TRIO: variants seen among roughly 807,000 people sequenced by gnomAD.
TRIO encodes the protein trio Rho guanine nucleotide exchange factor.
TRIO carries 58 observed loss-of-function variants against 351.9 expected under a neutral mutation model. The ratio of observed to expected loss-of-function variants is 0.16; its 90% CI spans 0.13 to 0.21. The LOEUF is 0.21. Ranked by LOEUF, TRIO falls within the 10% of genes least tolerant of loss-of-function variation. The pLI is 1.00. For missense variants in TRIO, 3,201 were observed against 4,027.8 expected (o/e 0.79, Z 5.56); for synonymous variants, 1,758 against 1,595.7 (o/e 1.10, Z -2.42).
intron 39 of TRIO, 62 bp from the exon 40 acceptor site, chr5:14,473,932 A>G: frequency 1.3e-6 from 2 of 1,500,950 alleles, no homozygotes; most frequent in Non-Finnish European, 9.2e-7. Flanking sequence ...ATTAATCAAT[A>G]AGCCACTAGT....
chr5:14,233,865 A>G (rs1793619573), intron 1 of TRIO, among the ~76,000 whole-genome samples: 1 of 152,134 alleles, frequency 6.6e-6, no homozygotes, highest in South Asian at 2.1e-4. Context: ...ATTAGAGCTC[A>G]CTGCAGACTT....
chr5:14,413,641 A>G (rs1420506878), intron 33 of TRIO, among the ~76,000 whole-genome samples: 2 of 152,212 alleles, frequency 1.3e-5, no homozygotes, highest in African/African-American at 4.8e-5. Context: ...CACAAACTGA[A>G]TGTCATCTTT....
intron 10 of TRIO, among the ~76,000 whole-genome samples, chr5:14,334,016 G>A (rs1459044583): frequency 1.3e-5 from 2 of 152,190 alleles, no homozygotes; most frequent in African/African-American, 4.8e-5. Context: ...GTTTCCCCTC[G>A]TGTGAGGAAC....
Position 14,496,951 on chromosome 5 carries a change from G to A in TRIO, c.7953G>A (p.Arg2651=), listed in dbSNP as rs534719045. Residue 2651 remains arginine, a synonymous_variant, in exon 50 of 57, where the codon AGG becomes AGA. Transcript: ENST00000344204. ...KSEKKDKDGK[R]EGKLENGYRK... is the part of the protein sequence containing the mutation. Reference sequence around the variant, plus strand: ...AGAAAAAAGATAAAGACGGCAAAAGGGAAGGCAAGTTAGAGAACGGTTATC... The same window carrying A: ...AGAAAAAAGATAAAGACGGCAAAAGAGAAGGCAAGTTAGAGAACGGTTATC... 561 of 1,614,200 alleles carry A rather than the reference G, an allele frequency of 3.5e-4. 7 individuals are homozygous for A. In the South Asian group the frequency reaches 5.8e-3, roughly 17 times the overall value.
At chr5:14,308,255 A>G (rs1406771539) in intron 8 of TRIO, among the ~76,000 whole-genome samples, 1 of 151,892 alleles carries the variant, frequency 6.6e-6, no homozygotes, top group Non-Finnish European at 1.5e-5. Flanking sequence ...CTCTGCATCC[A>G]TCTGTCCACC....
rs763490348 is a variant in TRIO, at chr5:14,387,540, G to A, written c.3673G>A (p.Asp1225Asn). ...AEIKKCVTAVDKRYRDFSLRM... is the reference protein window; with the variant it reads ...AEIKKCVTAVNKRYRDFSLRM... ...GATAAAAAAATGTGTTACTGCTGTG[G>A]ATAAGAGGTACAGAGATTTCTCTCT... Residue 1225 changes from aspartate (D) to asparagine (N), a missense_variant, in exon 22 of 57, where the codon GAT becomes AAT. This residue lies in a region of TRIO where 201 missense variants were observed against 266.5 expected (regional missense o/e 0.75). Transcript: ENST00000344204. The A allele has an allele frequency of 3.1e-6, 5 of 1,614,134 alleles. No individual in the cohort carries two copies. The highest frequency in any genetic ancestry group is 2.7e-5 in the African/African-American group (2 of 74,948).
intron 8 of TRIO, 81 bp from the exon 9 acceptor site, chr5:14,316,432 A>G: frequency 7.0e-7 from 1 of 1,422,114 alleles, no homozygotes; most frequent in South Asian, 1.3e-5. Context: ...GTGCACACAC[A>G]TGTATCCAAG....
At chr5:14,371,100 G>A (rs1745065675) in intron 18 of TRIO, among the ~76,000 whole-genome samples, 1 of 152,168 alleles carries the variant, frequency 6.6e-6, no homozygotes, top group South Asian at 2.1e-4. Context: ...AATAGGTTTT[G>A]TTTTAGATGA....
chr5:14,228,907 T>A (rs1456140456), intron 1 of TRIO, among the ~76,000 whole-genome samples: 1 of 152,088 alleles, frequency 6.6e-6, no homozygotes, highest in Non-Finnish European at 1.5e-5. Context: ...TACCAAATTA[T>A]AATTCATAGA....
At chr5:14,256,781 TAC>T in intron 1 of TRIO, among the ~76,000 whole-genome samples, 1 of 152,364 alleles carries the variant, frequency 6.6e-6, no homozygotes, top group African/African-American at 2.4e-5. Context: ...TTGAAGGTGT[TAC>T]AGTGTTTTGG....
In TRIO at chr5:14,488,278, C is replaced by T. The variant is rs1420162930; in HGVS notation, c.7632+18C>T. 2 of 1,531,760 alleles carry T rather than the reference C, an allele frequency of 1.3e-6. No homozygotes were observed. Among genetic ancestry groups the T allele is most frequent in the Non-Finnish European group, 8.8e-7 (1 of 1,142,572 alleles). 94.9% of individuals were successfully genotyped at this position (1,531,760 alleles called of 1,614,324 possible). On this transcript the variant is annotated intron_variant, in intron 48 of 56. Transcript: ENST00000344204. ...GCAACGGGGTAAGCGCGTCGGGGGGCCCGCGCCCTCCCGCCCCCCTGCCTC... is the reference window on the plus strand; with the variant it reads ...GCAACGGGGTAAGCGCGTCGGGGGGTCCGCGCCCTCCCGCCCCCCTGCCTC...
At chr5:14,394,679 C>A (rs113352223) in intron 28 of TRIO, among the ~76,000 whole-genome samples, 1,975 of 152,256 alleles carry the variant, frequency 0.013, 35 homozygotes, top group African/African-American at 0.045. Context: ...CGCGGCACAC[C>A]TTGTCCATAC....
chr5:14,214,746 G>C lies in TRIO; in HGVS notation c.158-56079G>C, dbSNP rs72744205. Among the ~76,000 whole-genome samples, 254 of 152,238 alleles carry C rather than the reference G, an allele frequency of 1.7e-3. 1 individual carries two copies. The highest frequency in any genetic ancestry group is 2.8e-3 in the Non-Finnish European group (192 of 68,006). On this transcript the variant is annotated intron_variant, in intron 1 of 56. Coordinates refer to ENST00000344204, the MANE Select transcript of TRIO (RefSeq NM_007118.4). ...GTTATATTTCACTTTGATGATACAG[G>C]ACCTCATTGATTTGTCTGTGACATC...
At position 14,471,452 on chromosome 5, in the gene TRIO, T is replaced by C; in HGVS notation, c.5898T>C (p.Ser1966=). 6.2e-7 allele frequency: 1 copy of C among 1,614,184 alleles called. No homozygotes were observed. The highest frequency in any genetic ancestry group is 8.5e-7 in the Non-Finnish European group (1 of 1,180,004). Residue 1966 remains serine (S), a synonymous_variant, in exon 38 of 57, where the codon TCT becomes TCC. Transcript: ENST00000344204. ...IDEMEERKSS[S]LKRRHYVLQE... ...AGATGGAAGAAAGGAAATCCAGCTC[T>C]TTAAAGAGAAGACAGTAAGACAGAA...
chr5:14,278,818 C>G (rs1201886603), intron 2 of TRIO, among the ~76,000 whole-genome samples: 1 of 152,130 alleles, frequency 6.6e-6, no homozygotes. Context: ...TAAATGTTAG[C>G]CCCCTCTAAG....
At position 14,366,812 on chromosome 5, in the gene TRIO, A is replaced by G. The variant is rs761623347; in HGVS notation, c.2755-48A>G. Reference sequence around the variant, plus strand: ...TATCTCACCCCTGGTGGTCCACAGGATTCTCTGGGAAGTCCACTGCTTGGA... The same window carrying G: ...TATCTCACCCCTGGTGGTCCACAGGGTTCTCTGGGAAGTCCACTGCTTGGA... On this transcript the variant is annotated intron_variant, in intron 15 of 56. Coordinates refer to ENST00000344204, the MANE Select transcript of TRIO (RefSeq NM_007118.4). 2.5e-6 allele frequency: 4 copies of G among 1,611,606 alleles called. No homozygotes were observed. In the East Asian group the frequency reaches 8.9e-5, roughly 36 times the overall value.
At chr5:14,420,632 A>G (rs755179194) in intron 34 of TRIO, 1 of 153,262 alleles carries the variant, frequency 6.5e-6, no homozygotes, top group Admixed American at 6.5e-5. Context: ...GAAGCTGCCC[A>G]TGCATTTGGA....
At chr5:14,387,125 G>A (rs746008498) in intron 21 of TRIO, among the ~76,000 whole-genome samples, 14 of 152,206 alleles carry the variant, frequency 9.2e-5, no homozygotes, top group Admixed American at 2.0e-4. Flanking sequence ...CGCGTTCTTC[G>A]CATACATTCC....
intron 23 of TRIO, 145 bp downstream of exon 23, chr5:14,387,992 A>C: frequency 2.7e-6 from 2 of 751,180 alleles, no homozygotes; most frequent in Non-Finnish European, 4.4e-6. Context: ...GTGTCAGCAC[A>C]GACTTCGCTG....
Sources: gnomAD v4.1 joint callset for allele counts (sites outside exome capture counted in the v4.1 genomes callset) on GRCh38, gnomAD v4.1.1 for gene constraint, gnomAD v4.1.1 regional missense constraint, MANE v1.5 for transcripts, NCBI Gene and HGNC (gene_info 2026-07-23, HGNC 2026-07-21) for gene names.